Variants in DLG2 observed in about 807,000 individuals in gnomAD.
The protein encoded by DLG2 is discs large MAGUK scaffold protein 2.
In DLG2, 45 loss-of-function variants were observed where a neutral mutation model predicts 132.5. The ratio of observed to expected loss-of-function variants is 0.34; its 90% CI spans 0.27 to 0.44. The LOEUF (loss-of-function observed/expected upper bound fraction) is 0.44, where lower values mean the gene tolerates loss of function less well. DLG2 is among the 20% of genes least tolerant of loss of function. DLG2 has a pLI of 1.00. For missense variants in DLG2, 1,045 were observed against 1,196.9 expected (o/e 0.87, Z 1.87); for synonymous variants, 424 against 419.6 (o/e 1.01, Z -0.13).
chr11:85,491,894 G>C (rs895764725), intron 3 of DLG2, among the ~76,000 whole-genome samples: 1 of 151,866 alleles, frequency 6.6e-6, no homozygotes, highest in Non-Finnish European at 1.5e-5. Context: ...TAAAAAAATC[G>C]TAAAATTCGT....
chr11:84,735,258 C>T (rs1268133596), intron 6 of DLG2, among the ~76,000 whole-genome samples: 4 of 152,034 alleles, frequency 2.6e-5, no homozygotes, highest in African/African-American at 9.7e-5. Flanking sequence ...GCTGTGAATC[C>T]GTCTGGTCCT....
chr11:84,086,153 T>C (rs1245001957), intron 10 of DLG2, among the ~76,000 whole-genome samples: 2 of 152,158 alleles, frequency 1.3e-5, no homozygotes, highest in Admixed American at 6.5e-5. Context: ...TAAGAACAAA[T>C]CAAAGATCTT....
chr11:83,788,650 T>C (rs1358744909), intron 17 of DLG2, among the ~76,000 whole-genome samples: 2 of 152,256 alleles, frequency 1.3e-5, no homozygotes, highest in Non-Finnish European at 2.9e-5. Flanking sequence ...TCCAGGCTAC[T>C]GCCTACAGGA....
intron 8 of DLG2, among the ~76,000 whole-genome samples, chr11:84,207,522 C>T (rs1224874788): frequency 1.3e-5 from 2 of 151,984 alleles, no homozygotes; most frequent in Non-Finnish European, 2.9e-5. Flanking sequence ...ACAAAGGCGC[C>T]AATGGCATTC....
intron 7 of DLG2, among the ~76,000 whole-genome samples, chr11:84,269,947 T>C (rs2097697851): frequency 6.6e-6 from 1 of 152,202 alleles, no homozygotes; most frequent in South Asian, 2.1e-4. Flanking sequence ...AGTTTACTTT[T>C]GGGCACTTGT....
intron 16 of DLG2, among the ~76,000 whole-genome samples, chr11:83,849,282 A>C (rs183131256): frequency 6.7e-6 from 1 of 149,584 alleles, no homozygotes; most frequent in Non-Finnish European, 1.5e-5. Flanking sequence ...CCATATTAAT[A>C]AATAAGGGAG....
At chr11:83,745,676 C>A (rs910203740) in intron 18 of DLG2, among the ~76,000 whole-genome samples, 1 of 152,002 alleles carries the variant, frequency 6.6e-6, no homozygotes, top group Non-Finnish European at 1.5e-5. Context: ...GTGGCATGCA[C>A]CTGTAGTCCC....
chr11:84,436,651 T>A (rs1373008501), intron 7 of DLG2, among the ~76,000 whole-genome samples: 1 of 152,174 alleles, frequency 6.6e-6, no homozygotes, highest in Non-Finnish European at 1.5e-5. Flanking sequence ...TAAGCTATCA[T>A]CTTCTGTTAT....
intron 18 of DLG2, among the ~76,000 whole-genome samples, chr11:83,657,225 C>G (rs1189298053): frequency 6.6e-6 from 1 of 152,166 alleles, no homozygotes; most frequent in African/African-American, 2.4e-5. Flanking sequence ...GATGGGCTAA[C>G]AAAACAACAG....
Position 84,977,554 on chromosome 11 carries a change from A to C in DLG2, c.357+134107T>G, listed in dbSNP as rs569044640. 4.2e-4 allele frequency among the ~76,000 whole-genome samples: 64 copies of C among 152,304 alleles called. No individual in the cohort carries two copies. In the South Asian group the frequency reaches 0.011, roughly 26 times the overall value. On this transcript the variant is annotated intron_variant, in intron 6 of 27. Transcript: ENST00000376104. ...CCCCTTAGAAATTCTGATATTCATT[A>C]ACTCATGTTCATCTAGACCTTTTGT...
chr11:85,096,035 T>C (rs1211837292), intron 6 of DLG2, among the ~76,000 whole-genome samples: 6 of 152,176 alleles, frequency 3.9e-5, no homozygotes, highest in Non-Finnish European at 8.8e-5. Flanking sequence ...CAGCACTCTG[T>C]GTCTAGCTAA....
intron 6 of DLG2, among the ~76,000 whole-genome samples, chr11:84,777,265 ATG>A (rs1321102566): frequency 7.7e-6 from 1 of 129,796 alleles, no homozygotes; most frequent in African/African-American, 2.9e-5. Flanking sequence ...TTGTGTGTGT[ATG>A]TATATGTGTG....
intron 6 of DLG2, among the ~76,000 whole-genome samples, chr11:85,094,342 A>C (rs1262819888): frequency 6.6e-6 from 1 of 152,250 alleles, no homozygotes; most frequent in Non-Finnish European, 1.5e-5. Flanking sequence ...ATAAGTTCCT[A>C]ACAAGAGAGT....
Position 84,506,079 on chromosome 11 carries a change from C to CTTTTTTTTTTTTTTTTTTTTTTT in DLG2, c.519+28490_519+28491insAAAAAAAAAAAAAAAAAAAAAAA, listed in dbSNP as rs779039240. Among the ~76,000 whole-genome samples, 93 of 107,012 alleles carry CTTTTTTTTTTTTTTTTTTTTTTT rather than the reference C, an allele frequency of 8.7e-4. 22 individuals carry two copies. Among genetic ancestry groups the CTTTTTTTTTTTTTTTTTTTTTTT allele is most frequent in the African/African-American group, 3.9e-3 (76 of 19,734 alleles). 70.2% of individuals were successfully genotyped at this position (107,012 alleles called of 152,430 possible). A position where few individuals can be genotyped will look rare whatever the true frequency, so the allele number is the denominator to read the frequency against. On this transcript the variant is annotated intron_variant, in intron 7 of 27. Transcript: ENST00000376104. Reference sequence around the variant, plus strand: ...CTAATGTTATGACAGAGGCTCAGTTCTTTTTTTTTTTTTTGAGACGGAGTC... The same window carrying CTTTTTTTTTTTTTTTTTTTTTTT: ...CTAATGTTATGACAGAGGCTCAGTTCTTTTTTTTTTTTTTTTTTTTTTTTTTTTTTTTTTTTTGAGACGGAGTC...
At chr11:84,325,149 T>A (rs2098424157) in intron 7 of DLG2, among the ~76,000 whole-genome samples, 1 of 152,144 alleles carries the variant, frequency 6.6e-6, no homozygotes, top group African/African-American at 2.4e-5. Flanking sequence ...GCTTAGGACT[T>A]TTCATATCTG....
At position 85,290,389 on chromosome 11, in the gene DLG2, A is replaced by G. The variant is rs145561436; in HGVS notation, c.41-5024T>C. On this transcript the variant is annotated intron_variant, in intron 3 of 27. Transcript: ENST00000376104. The stretch of plus-strand genomic sequence containing the variant: ...TGGGGCCTGAATTTCTGCACTTCTA[A>G]TAAGCTCTCAGGTGAGGTACATGGC... Among the ~76,000 whole-genome samples the G allele has an allele frequency of 2.7e-3, 416 of 152,172 alleles. 1 individual carries two copies. The highest frequency in any genetic ancestry group is 8.5e-3 in the African/African-American group (355 of 41,550).
chr11:84,514,584 G>A lies in DLG2; in HGVS notation c.519+19986C>T, dbSNP rs1054336010. Among the ~76,000 whole-genome samples the A allele has an allele frequency of 2.0e-5, 3 of 151,858 alleles. No homozygotes were observed. The South Asian group carries it at 6.2e-4, about 32-fold the overall frequency. On this transcript the variant is annotated intron_variant, in intron 7 of 27. Transcript: ENST00000376104. Reference sequence around the variant, plus strand: ...AACATCACATGTTCTCACTTATTTTGGGATCTAAAAATCATAACAATTGAA... The same window carrying A: ...AACATCACATGTTCTCACTTATTTTAGGATCTAAAAATCATAACAATTGAA...
intron 6 of DLG2, among the ~76,000 whole-genome samples, chr11:84,864,606 G>C (rs988012658): frequency 1.3e-5 from 2 of 151,972 alleles, no homozygotes; most frequent in African/African-American, 4.8e-5. Context: ...AGGAACTATG[G>C]GTTTTTCTGA....
intron 3 of DLG2, among the ~76,000 whole-genome samples, chr11:85,386,439 A>T (rs117828853): frequency 6.6e-6 from 1 of 152,164 alleles, no homozygotes; most frequent in Middle Eastern, 3.2e-3. Context: ...ATCTCATCAC[A>T]TTGACTTCTG....
Sources: allele counts gnomAD v4.1 joint callset (sites outside exome capture counted in the v4.1 genomes callset), GRCh38; gene constraint gnomAD v4.1.1; transcripts MANE v1.5; gene names NCBI Gene and HGNC (gene_info 2026-07-23, HGNC 2026-07-21).